Variants in TLK1 observed in about 807,000 individuals in gnomAD.
The protein encoded by TLK1 is tousled like kinase 1.
A neutral mutation model predicts 105.3 loss-of-function variants in TLK1; 24 were observed. The ratio of observed to expected loss-of-function variants is 0.23; its 90% CI spans 0.17 to 0.32. TLK1 has a LOEUF of 0.32. TLK1 is among the 10% of genes least tolerant of loss of function. TLK1 has a pLI of 1.00. For synonymous variants in TLK1, 321 were observed against 310.4 expected, an observed-to-expected ratio of 1.03 and a Z score of -0.36; for missense variants, 558 against 910.5, an observed-to-expected ratio of 0.61 and a Z score of 4.98.
chr2:171,190,347 G>A (rs909369622), intron 1 of TLK1, among the ~76,000 whole-genome samples: 1 of 152,152 alleles, frequency 6.6e-6, no homozygotes, highest in Non-Finnish European at 1.5e-5. Context: ...GAGTGTACAG[G>A]CCTCAACATA....
chr2:171,193,622 T>C (rs112387253), intron 1 of TLK1, among the ~76,000 whole-genome samples: 16,229 of 150,402 alleles, frequency 0.11, 1,310 homozygotes, highest in African/African-American at 0.23. Flanking sequence ...AGGATGGCCT[T>C]GATCTCCTGA....
rs557546088 is a variant in TLK1, at chr2:171,006,037, T to C, written c.1904+110A>G. 53 of 1,157,308 alleles carry C rather than the reference T, an allele frequency of 4.6e-5. No homozygotes were observed. The East Asian group carries it at 1.2e-3, about 26-fold the overall frequency. 71.7% of individuals were successfully genotyped at this position (1,157,308 alleles called of 1,614,324 possible). Reference sequence around the variant, plus strand: ...ACTGAGAGCTTAATATCAGTACCTTTACCACAGTAATCTTAATGGCTACAT... The same window carrying C: ...ACTGAGAGCTTAATATCAGTACCTTCACCACAGTAATCTTAATGGCTACAT... On this transcript the variant is annotated intron_variant, in intron 18 of 20. Transcript: ENST00000431350.
rs562179626 is a variant in TLK1, at chr2:171,071,504, G to T, written c.331-10348C>A. 2.0e-5 allele frequency among the ~76,000 whole-genome samples: 3 copies of T among 152,072 alleles called. No homozygotes were observed. In the South Asian group the frequency reaches 6.2e-4, roughly 32 times the overall value. On this transcript the variant is annotated intron_variant, in intron 3 of 20. Transcript: ENST00000431350. ...GGGTTTCACTGTGTTAGCCAAGATG[G>T]TCTCCATCTCCTGACATAGTGATCT...
At chr2:171,020,362 A>AT (rs1685433097) in intron 12 of TLK1, among the ~76,000 whole-genome samples, 1 of 152,018 alleles carries the variant, frequency 6.6e-6, no homozygotes, top group African/African-American at 2.4e-5. Context: ...CAACACAGTG[A>AT]AACCCCGTCT....
At chr2:171,129,093 G>A (rs558315412) in intron 1 of TLK1, among the ~76,000 whole-genome samples, 2 of 152,224 alleles carry the variant, frequency 1.3e-5, no homozygotes, top group South Asian at 2.1e-4. Flanking sequence ...CAGGAATCTG[G>A]TAAAACTTGA....
intron 1 of TLK1, among the ~76,000 whole-genome samples, chr2:171,187,057 C>CAAAAAAAAAAAAAAAAAAAAAAAAAAAAA (rs71013019): frequency 2.1e-4 from 7 of 34,028 alleles, no homozygotes; most frequent in African/African-American, 5.4e-4. Context: ...GACTCTGTCT[C>CAAAAAAAAAAAAAAAAAAAAAAAAAAAAA]AAAAAAAAAA....
At chr2:171,114,081 G>T (rs1385200737) in intron 2 of TLK1, among the ~76,000 whole-genome samples, 4 of 151,988 alleles carry the variant, frequency 2.6e-5, no homozygotes, top group Non-Finnish European at 5.9e-5. Flanking sequence ...ATATATTATG[G>T]AATCTTACAT....
intron 2 of TLK1, among the ~76,000 whole-genome samples, chr2:171,095,343 C>G (rs938947062): frequency 6.6e-6 from 1 of 151,734 alleles, no homozygotes; most frequent in Non-Finnish European, 1.5e-5. Context: ...AAAGTTGGAT[C>G]CTTGAAAACA....
At chr2:171,070,140 C>T (rs936132091) in intron 3 of TLK1, among the ~76,000 whole-genome samples, 2 of 152,000 alleles carry the variant, frequency 1.3e-5, no homozygotes, top group African/African-American at 4.8e-5. Context: ...TTTTTCTCTT[C>T]CAATCTTGTT....
At chr2:171,067,954 T>C (rs549871701) in intron 3 of TLK1, among the ~76,000 whole-genome samples, 1 of 152,156 alleles carries the variant, frequency 6.6e-6, no homozygotes, top group Non-Finnish European at 1.5e-5. Flanking sequence ...CATGAACTCA[T>C]CCTTTTTTAT....
At position 170,997,758 on chromosome 2, in the gene TLK1, A is replaced by C; in HGVS notation, c.1970T>G (p.Val657Gly). 1.2e-6 allele frequency: 2 copies of C among 1,610,426 alleles called. No individual in the cohort carries two copies. Among genetic ancestry groups the C allele is most frequent in the Non-Finnish European group, 1.7e-6 (2 of 1,177,908 alleles). Residue 657 changes from valine (V) to glycine (G), a missense_variant, in exon 19 of 21, where the codon GTA becomes GGA. Transcript: ENST00000431350. ...EPPKISNKVD[V>G]WSVGVIFFQC... ...AAAGAAGATGACTCCAACCGACCAT[A>C]CATCAACCTTGTTGGAAATCTTTGG...
At chr2:171,165,720 G>A (rs758512041), upstream of TLK1, among the ~76,000 whole-genome samples, 1 of 152,186 alleles carries the variant, frequency 6.6e-6, no homozygotes, top group Non-Finnish European at 1.5e-5. Flanking sequence ...AGACCAGCCT[G>A]ACCAACATGG....
At chr2:171,069,687 G>A (rs1688164647) in intron 3 of TLK1, among the ~76,000 whole-genome samples, 2 of 152,168 alleles carry the variant, frequency 1.3e-5, no homozygotes, top group African/African-American at 4.8e-5. Context: ...AAAACTAACT[G>A]TACGGTGTGC....
In TLK1 at chr2:170,993,110, A is replaced by G. The variant is rs1211154357; in HGVS notation, c.*670T>C. 6.6e-6 allele frequency: 1 copy of G among 152,658 alleles called. No individual in the cohort carries two copies. The highest frequency in any genetic ancestry group is 2.1e-4 in the South Asian group (1 of 4,836). 9.5% of individuals were successfully genotyped at this position (152,658 alleles called of 1,614,324 possible). On this transcript the variant is annotated 3_prime_UTR_variant, in exon 21 of 21. Transcript: ENST00000431350. ...GCTCATTTTGTCAAAGGTGTAAAGT[A>G]TTTAGAAATAATAGCTCTCCCTTTA...
chr2:171,194,534 T>G (rs1420946078), intron 1 of TLK1, among the ~76,000 whole-genome samples: 1 of 152,114 alleles, frequency 6.6e-6, no homozygotes, highest in Non-Finnish European at 1.5e-5. Context: ...AAAGCCACTG[T>G]GGGCTGGGCG....
intron 6 of TLK1, 66 bp downstream of exon 6, chr2:171,056,405 T>C (rs1474717966): frequency 7.6e-7 from 1 of 1,314,240 alleles, no homozygotes; most frequent in African/African-American, 1.5e-5. Flanking sequence ...CAACAAATTA[T>C]AAAACTTATT....
chr2:171,219,540 C>T (rs1387587217), intron 1 of TLK1, among the ~76,000 whole-genome samples: 1 of 151,976 alleles, frequency 6.6e-6, no homozygotes, highest in Non-Finnish European at 1.5e-5. Flanking sequence ...TGCAGACTGC[C>T]AATGTCTTGT....
rs557249392 is a variant in TLK1 at position 171,022,856 on chromosome 2, T to C, written c.1236+5483A>G. ...AGGGGACATCAAACTTCAAGAATATTTGGGGGTCAATTCACCTAAAGCCAA... is the reference window on the plus strand; with the variant it reads ...AGGGGACATCAAACTTCAAGAATATCTGGGGGTCAATTCACCTAAAGCCAA... On this transcript the variant is annotated intron_variant, in intron 12 of 20. Coordinates refer to ENST00000431350, the MANE Select transcript of TLK1 (RefSeq NM_012290.5). 117 of 254,618 alleles carry C rather than the reference T, an allele frequency of 4.6e-4. 1 individual carries two copies. In the South Asian group the frequency reaches 4.7e-3, roughly 10 times the overall value. The allele number at this position is 254,618 out of a possible 1,614,324, so 15.8% of individuals were successfully genotyped here.
intron 1 of TLK1, among the ~76,000 whole-genome samples, chr2:171,125,275 G>C (rs1690820876): frequency 6.6e-6 from 1 of 152,150 alleles, no homozygotes; most frequent in East Asian, 1.9e-4. Context: ...GTTGGACATA[G>C]TGTAGTATAT....
Sources: gnomAD v4.1 joint callset for allele counts (sites outside exome capture counted in the v4.1 genomes callset) on GRCh38, gnomAD v4.1.1 for gene constraint, MANE v1.5 for transcripts, NCBI Gene and HGNC (gene_info 2026-07-23, HGNC 2026-07-21) for gene names.